GALNT13: variants seen among roughly 807,000 people sequenced by gnomAD.
The protein encoded by GALNT13 is polypeptide N-acetylgalactosaminyltransferase 13.
A neutral mutation model predicts 64.2 loss-of-function variants in GALNT13; 28 were observed. The ratio of observed to expected loss-of-function variants is 0.44; its 90% CI spans 0.32 to 0.60. GALNT13 has a LOEUF of 0.60. Among genes scored for constraint, GALNT13 ranks in the 20% least tolerant of loss-of-function variants. The probability of loss-of-function intolerance (pLI) is 0.05; values close to 1 mark genes in which losing one functional copy is unlikely to be tolerated. For missense variants in GALNT13, 577 were observed against 669.8 expected (o/e 0.86, Z 1.53); for synonymous variants, 214 against 224.6 (o/e 0.95, Z 0.42).
the GALNT13 span, among the ~76,000 whole-genome samples, chr2:153,741,779 T>C: frequency 6.6e-6 from 1 of 152,130 alleles, no homozygotes; most frequent in Non-Finnish European, 1.5e-5. Flanking sequence ...CATCCTAATC[T>C]GAATAGATAA....
intron 9 of GALNT13, among the ~76,000 whole-genome samples, chr2:154,367,941 TAG>T (rs1398309194): frequency 2.0e-5 from 3 of 152,164 alleles, no homozygotes; most frequent in African/African-American, 4.8e-5. Flanking sequence ...TTTATGATAA[TAG>T]AGATTCTCAC....
At chr2:154,002,189 A>G (rs540301462) in intron 3 of GALNT13, among the ~76,000 whole-genome samples, 2 of 152,176 alleles carry the variant, frequency 1.3e-5, no homozygotes, top group Non-Finnish European at 2.9e-5. Context: ...TGAGCTTTCT[A>G]TACCTGGATG....
At chr2:153,761,550 TA>T in the GALNT13 span, 1 of 152,746 alleles carries the variant, frequency 6.5e-6, no homozygotes, top group Non-Finnish European at 1.5e-5. Context: ...TGAATCAAAA[TA>T]CACCAGTTCT....
the GALNT13 span, among the ~76,000 whole-genome samples, chr2:153,442,687 G>GT: frequency 4.7e-3 from 723 of 152,282 alleles, 24 homozygotes; most frequent in Admixed American, 0.045. Flanking sequence ...GGAGATGGGA[G>GT]TTTTACCTAT....
rs1230214666 is a variant in GALNT13, at chr2:154,312,219, TGGGGAACTAATAAA to T, written c.1156+10631_1156+10644del. Among the ~76,000 whole-genome samples the T allele has an allele frequency of 2.1e-4, 32 of 152,258 alleles. No homozygotes were observed. The East Asian group carries it at 6.2e-3, about 29-fold the overall frequency. On this transcript the variant is annotated intron_variant, in intron 9 of 12. Coordinates refer to ENST00000392825, the MANE Select transcript of GALNT13 (RefSeq NM_052917.4). ...ATAAGAAATTACAAAAGTATTAATT[TGGGGAACTAATAAA>T]TGTCCATAAAATCTTCGCAATCCAC... is the stretch of plus-strand genomic sequence containing the variant.
intron 3 of GALNT13, among the ~76,000 whole-genome samples, chr2:154,123,018 T>C (rs1198548161): frequency 1.2e-4 from 18 of 151,898 alleles, no homozygotes; most frequent in Admixed American, 5.9e-4. Flanking sequence ...GCTAACTATG[T>C]GAACAAGAAG....
Position 154,069,039 on chromosome 2 carries a change from A to T in GALNT13, c.143-71298A>T, listed in dbSNP as rs573650406. 1.6e-4 allele frequency among the ~76,000 whole-genome samples: 25 copies of T among 152,146 alleles called. No individual in the cohort carries two copies. The Middle Eastern group carries it at 0.01, about 62-fold the overall frequency. ...CCATAAATATATACTCCTACTAAAT[A>T]CTCAGAAAAATATTTAAAAAGTAAA... is the stretch of plus-strand genomic sequence containing the variant. On this transcript the variant is annotated intron_variant, in intron 3 of 12. Coordinates refer to ENST00000392825, the MANE Select transcript of GALNT13 (RefSeq NM_052917.4).
chr2:154,281,666 C>T (rs540679424), intron 8 of GALNT13, among the ~76,000 whole-genome samples: 25 of 152,200 alleles, frequency 1.6e-4, no homozygotes, highest in Middle Eastern at 3.4e-3. Context: ...TTAAAGGCTC[C>T]ATCTGTGATC....
chr2:154,446,545 T>G (rs1383554299), intron 12 of GALNT13: 1 of 1,517,552 alleles, frequency 6.6e-7, no homozygotes, highest in Non-Finnish European at 8.8e-7. Flanking sequence ...TTGTCATTAT[T>G]CGTTATTTTC....
chr2:153,069,291 T>C, the GALNT13 span, among the ~76,000 whole-genome samples: 14 of 152,306 alleles, frequency 9.2e-5, no homozygotes, highest in Admixed American at 3.9e-4. Context: ...CTATTTACTT[T>C]TTGCTTGACA....
chr2:153,642,059 G>C, the GALNT13 span, among the ~76,000 whole-genome samples: 1 of 151,990 alleles, frequency 6.6e-6, no homozygotes, highest in Non-Finnish European at 1.5e-5. Context: ...TTAGGTTACT[G>C]TGTCTAGGGG....
rs1463597628 is a variant in GALNT13, at chr2:154,042,501, A to C, written c.143-97836A>C. Among the ~76,000 whole-genome samples the C allele has an allele frequency of 2.2e-5, 3 of 139,146 alleles. No individual in the cohort carries two copies. The Admixed American group carries it at 2.2e-4, about 10-fold the overall frequency. 91.3% of individuals were successfully genotyped at this position (139,146 alleles called of 152,430 possible). On this transcript the variant is annotated intron_variant, in intron 3 of 12. Transcript: ENST00000392825. ...AGCTTAAATATCACCTCTTCAGAGG[A>C]ATTTCCTGATCACCCAGTCTAAAGC...
the GALNT13 span, among the ~76,000 whole-genome samples, chr2:153,148,495 TAA>T: frequency 6.7e-6 from 1 of 149,002 alleles, no homozygotes; most frequent in Non-Finnish European, 1.5e-5. Context: ...TTTTTTTTGC[TAA>T]GACTCTTATT....
the GALNT13 span, among the ~76,000 whole-genome samples, chr2:153,805,963 A>AGTGTGT: frequency 6.6e-5 from 10 of 152,134 alleles, no homozygotes; most frequent in Non-Finnish European, 1.2e-4. Context: ...TATATAATAT[A>AGTGTGT]GTGTGTGTAT....
At chr2:153,721,246 C>T in the GALNT13 span, among the ~76,000 whole-genome samples, 2 of 149,594 alleles carry the variant, frequency 1.3e-5, no homozygotes, top group African/African-American at 5.0e-5. Flanking sequence ...AAATACTTTA[C>T]AGACAAGCAA....
intron 11 of GALNT13, among the ~76,000 whole-genome samples, chr2:154,411,058 A>G (rs752465626): frequency 6.6e-6 from 1 of 151,890 alleles, no homozygotes; most frequent in Non-Finnish European, 1.5e-5. Flanking sequence ...AGGCAAGTAA[A>G]TAGATGAAAG....
At chr2:153,395,945 A>C in the GALNT13 span, among the ~76,000 whole-genome samples, 1 of 152,116 alleles carries the variant, frequency 6.6e-6, no homozygotes, top group Non-Finnish European at 1.5e-5. Flanking sequence ...TAGATGGTAA[A>C]TATTTTAGGC....
At chr2:153,340,618 G>T in the GALNT13 span, among the ~76,000 whole-genome samples, 1 of 149,402 alleles carries the variant, frequency 6.7e-6, no homozygotes, top group South Asian at 2.1e-4. Context: ...TTGCACCAAC[G>T]CACTCCAGCC....
At chr2:153,641,427 G>A in the GALNT13 span, among the ~76,000 whole-genome samples, 2 of 152,152 alleles carry the variant, frequency 1.3e-5, no homozygotes, top group Admixed American at 1.3e-4. Context: ...TTAGTACCAT[G>A]TTAAGTTTGA....
Sources: gnomAD v4.1 joint callset for allele counts (sites outside exome capture counted in the v4.1 genomes callset) on GRCh38, gnomAD v4.1.1 for gene constraint, MANE v1.5 for transcripts, NCBI Gene and HGNC (gene_info 2026-07-23, HGNC 2026-07-21) for gene names.